Variants in EMC2 observed in about 807,000 individuals in gnomAD.
The protein encoded by EMC2 is ER membrane protein complex subunit 2, also known as TPR repeat protein 35.
Under a neutral mutation model 51.6 loss-of-function variants are expected in EMC2, and 37 were observed. The observed-to-expected ratio is 0.72, with a 90% confidence interval of 0.55 to 0.94. The LOEUF is 0.94. Among genes scored for constraint, EMC2 ranks in the 40% least tolerant of loss-of-function variants. The probability of loss-of-function intolerance (pLI) is 0.00; values close to 1 mark genes in which losing one functional copy is unlikely to be tolerated. For synonymous variants in EMC2, 131 were observed against 112.4 expected (o/e 1.17, Z -1.04); for missense variants, 359 against 350.9 (o/e 1.02, Z -0.18).
intron 5 of EMC2, among the ~76,000 whole-genome samples, chr8:108,459,099 C>G (rs548423824): frequency 2.1e-4 from 32 of 152,286 alleles, no homozygotes; most frequent in African/African-American, 7.5e-4. Context: ...GCTCCAGTTT[C>G]CAACAAGTTC....
At chr8:108,473,548 A>G (rs1435716263) in intron 7 of EMC2, among the ~76,000 whole-genome samples, 1 of 152,006 alleles carries the variant, frequency 6.6e-6, no homozygotes, top group Non-Finnish European at 1.5e-5. Context: ...TGAAAGACAA[A>G]TTTTTTTACT....
rs372777539 is a variant in EMC2, at chr8:108,472,338, T to C, written c.509+2217T>C. Among the ~76,000 whole-genome samples the C allele has an allele frequency of 3.4e-4, 52 of 152,060 alleles. No homozygotes were observed. In the South Asian group the frequency reaches 0.011, roughly 31 times the overall value. On this transcript the variant is annotated intron_variant, in intron 7 of 10. Coordinates refer to ENST00000220853, the MANE Select transcript of EMC2 (RefSeq NM_014673.5). ...CTTCAGTTTTGCTTTGTTTGGAATC[T>C]AAAGAGTTTATTGAAACAGAGGTGA...
intron 5 of EMC2, among the ~76,000 whole-genome samples, chr8:108,468,621 AC>A (rs1810786622): frequency 1.3e-5 from 2 of 152,018 alleles, no homozygotes; most frequent in South Asian, 2.1e-4. Flanking sequence ...TCACTCTCTT[AC>A]CACCCCGTAA....
chr8:108,446,382 G>A (rs1818878437), intron 1 of EMC2: 2 of 341,824 alleles, frequency 5.9e-6, no homozygotes, highest in Admixed American at 6.5e-5. Flanking sequence ...TTTACAGATT[G>A]AATTTGGGTT....
At chr8:108,449,641 G>T (rs571542126) in intron 1 of EMC2, among the ~76,000 whole-genome samples, 182 bp from the exon 2 acceptor site, 1 of 152,128 alleles carries the variant, frequency 6.6e-6, no homozygotes, top group Admixed American at 6.5e-5. Context: ...AGGATCTGTT[G>T]CCCTTGTTCA....
chr8:108,459,609 C>T (rs1165488872), intron 5 of EMC2, among the ~76,000 whole-genome samples: 1 of 152,116 alleles, frequency 6.6e-6, no homozygotes, highest in Non-Finnish European at 1.5e-5. Context: ...CCCCATAATT[C>T]AGTCACCTCT....
chr8:108,477,294 C>T (rs1448405624), intron 9 of EMC2, among the ~76,000 whole-genome samples: 1 of 151,916 alleles, frequency 6.6e-6, no homozygotes. Context: ...ATCCCTAATA[C>T]ATCAAATTAA....
Position 108,449,808 on chromosome 8 carries a change from T to C in EMC2, c.41-15T>C, listed in dbSNP as rs1017389120. On this transcript the variant is annotated splice_polypyrimidine_tract_variant and intron_variant, in intron 1 of 10. Transcript: ENST00000220853. ...TGGGTACATATACACTTAAATGTCATGTTATTTTTTTCAGAAATGAGAGAT... is the reference window on the plus strand; with the variant it reads ...TGGGTACATATACACTTAAATGTCACGTTATTTTTTTCAGAAATGAGAGAT... 2 of 1,187,748 alleles carry C rather than the reference T, an allele frequency of 1.7e-6. No individual in the cohort carries two copies. The highest frequency in any genetic ancestry group is 1.3e-6 in the Non-Finnish European group (1 of 797,420). The allele number at this position is 1,187,748 out of a possible 1,614,324, so 73.6% of individuals were successfully genotyped here. A position where few individuals can be genotyped will look rare whatever the true frequency, so the allele number is the denominator to read the frequency against.
At chr8:108,484,275 A>T (rs1428638763) in intron 10 of EMC2, among the ~76,000 whole-genome samples, 1 of 152,144 alleles carries the variant, frequency 6.6e-6, no homozygotes, top group African/African-American at 2.4e-5. Context: ...TTTGAGGGAA[A>T]AAATGATTCT....
intron 5 of EMC2, among the ~76,000 whole-genome samples, chr8:108,468,556 A>G (rs749861307): frequency 6.6e-6 from 1 of 152,042 alleles, no homozygotes; most frequent in African/African-American, 2.4e-5. Flanking sequence ...TCTGACCCTT[A>G]TTTATTAGTC....
chr8:108,450,632 A>G (rs990014144), intron 3 of EMC2, 140 bp downstream of exon 3: 4 of 633,796 alleles, frequency 6.3e-6, no homozygotes, highest in Non-Finnish European at 1.1e-5. Context: ...AACTAACTAG[A>G]TATTTTAGGA....
intron 9 of EMC2, among the ~76,000 whole-genome samples, chr8:108,477,733 A>T (rs980154221): frequency 4.6e-5 from 7 of 152,144 alleles, no homozygotes; most frequent in South Asian, 4.1e-4. Flanking sequence ...ACGCTATAGT[A>T]GAAGTATCTC....
At chr8:108,473,795 T>C (rs1202779032) in intron 7 of EMC2, 1 of 152,012 alleles carries the variant, frequency 6.6e-6, no homozygotes, top group Admixed American at 6.6e-5. Context: ...CTTTATTTAG[T>C]TCTAGTACTG....
intron 5 of EMC2, among the ~76,000 whole-genome samples, chr8:108,467,405 G>C (rs1810748306): frequency 6.6e-6 from 1 of 151,594 alleles, no homozygotes; most frequent in African/African-American, 2.4e-5. Context: ...CTGGAGTGCA[G>C]TGGCGCAGTC....
chr8:108,479,797 A>G (rs548672802), intron 10 of EMC2, among the ~76,000 whole-genome samples: 64 of 152,166 alleles, frequency 4.2e-4, no homozygotes, highest in Non-Finnish European at 8.1e-4. Flanking sequence ...AGATCTTGCT[A>G]TATTGCCCAG....
chr8:108,454,570 A>C (rs1819108867), intron 4 of EMC2, among the ~76,000 whole-genome samples: 1 of 152,040 alleles, frequency 6.6e-6, no homozygotes, highest in Admixed American at 6.6e-5. Context: ...TAATCACCAA[A>C]TATATTGTTG....
At chr8:108,469,312 T>A (rs1320134929) in intron 5 of EMC2, among the ~76,000 whole-genome samples, 4 of 152,220 alleles carry the variant, frequency 2.6e-5, no homozygotes, top group Non-Finnish European at 1.5e-5. Flanking sequence ...TTGTTTTGCT[T>A]ATCATACAAT....
intron 4 of EMC2, among the ~76,000 whole-genome samples, chr8:108,453,747 G>A (rs1819088268): frequency 6.6e-6 from 1 of 151,990 alleles, no homozygotes; most frequent in Non-Finnish European, 1.5e-5. Context: ...ATAATTGATT[G>A]TGCTGTACAG....
chr8:108,472,226 AAT>A (rs1383105601), intron 7 of EMC2, among the ~76,000 whole-genome samples: 2 of 151,908 alleles, frequency 1.3e-5, no homozygotes, highest in African/African-American at 4.8e-5. Context: ...ATGTATTTCT[AAT>A]ATTTATTTCA....
Sources: allele counts gnomAD v4.1 joint callset (sites outside exome capture counted in the v4.1 genomes callset), GRCh38; gene constraint gnomAD v4.1.1; transcripts MANE v1.5; gene names NCBI Gene and HGNC (gene_info 2026-07-23, HGNC 2026-07-21).